Variants in ASNS observed in about 807,000 individuals in gnomAD.
The protein encoded by ASNS is asparagine synthetase (glutamine-hydrolyzing).
A neutral mutation model predicts 62.6 loss-of-function variants in ASNS; 37 were observed. The observed-to-expected ratio is 0.59, with a 90% CI of 0.45 to 0.78. The LOEUF is 0.78. ASNS is among the 30% of genes least tolerant of loss of function. The pLI is 0.00. For missense variants in ASNS, 520 were observed against 682.4 expected, an observed-to-expected ratio of 0.76 and a Z score of 2.65; for synonymous variants, 207 against 237.9, an observed-to-expected ratio of 0.87 and a Z score of 1.19.
chr7:97,912,917 G>A, the ASNS span: 3 of 151,818 alleles, frequency 2.0e-5, no homozygotes, highest in East Asian at 3.9e-4. Flanking sequence ...CAGCTTCGAG[G>A]TCCAGTATGA....
Position 97,855,348 on chromosome 7 carries a change from G to T in ASNS, c.1137+5C>A, listed in dbSNP as rs1190082216. On this transcript the variant is annotated splice_donor_5th_base_variant and intron_variant, in intron 9 of 12. Coordinates refer to ENST00000394308, the MANE Select transcript of ASNS (RefSeq NM_001673.5). Reference sequence around the variant, plus strand: ...ATGAATATCCCTCCACTTCAGAGTGGTTACCTTGTGAAAATATATGTAACC... The same window carrying T: ...ATGAATATCCCTCCACTTCAGAGTGTTTACCTTGTGAAAATATATGTAACC... 8 of 1,598,454 alleles carry T rather than the reference G, an allele frequency of 5.0e-6. No individual in the cohort carries two copies. The Admixed American group carries it at 1.2e-4, about 23-fold the overall frequency.
intron 4 of ASNS, among the ~76,000 whole-genome samples, chr7:97,860,352 A>G (rs1252580495): frequency 1.3e-5 from 2 of 152,222 alleles, no homozygotes; most frequent in African/African-American, 4.8e-5. Context: ...GGATATAGAA[A>G]AGAACAATTA....
chr7:97,861,081 G>A (rs984806560), intron 4 of ASNS, among the ~76,000 whole-genome samples: 2 of 134,868 alleles, frequency 1.5e-5, no homozygotes, highest in East Asian at 4.6e-4. Flanking sequence ...GAGTGCAGTT[G>A]CGCGATCTCG....
chr7:97,880,986 G>T, the ASNS span, among the ~76,000 whole-genome samples: 7 of 151,992 alleles, frequency 4.6e-5, no homozygotes, highest in Non-Finnish European at 8.8e-5. Flanking sequence ...TGTCACCCAG[G>T]CTGAAGTGCA....
rs201432154 is a variant in ASNS at position 97,852,352 on chromosome 7, G to T, written c.1593C>A (p.Asp531Glu). ...VFERHYPGRA[D>E]WLSHYWMPKW... ...TGGGCATCCAGTAATGGCTCAGCCA[G>T]TCAGCCCGGCCTGGGTAATGGCGTT... is the stretch of plus-strand genomic sequence containing the variant. The change falls in exon 13 of 13, where the codon GAC becomes GAA. Residue 531 changes from aspartate to glutamate, a missense_variant. Transcript: ENST00000394308. 2.0e-5 allele frequency: 32 copies of T among 1,614,184 alleles called. No individual in the cohort carries two copies. In the East Asian group the frequency reaches 5.6e-4, roughly 28 times the overall value.
the ASNS span, among the ~76,000 whole-genome samples, chr7:97,889,756 A>C: frequency 3.3e-5 from 5 of 151,880 alleles, no homozygotes; most frequent in African/African-American, 1.2e-4. Flanking sequence ...ACAGATAGTC[A>C]CATAAGGATG....
the ASNS span, among the ~76,000 whole-genome samples, chr7:97,920,584 G>A: frequency 6.6e-6 from 1 of 152,204 alleles, no homozygotes; most frequent in Non-Finnish European, 1.5e-5. Context: ...TTCCAGCTGG[G>A]GCCAAATAGA....
chr7:97,870,345 GT>G (rs926859538), intron 1 of ASNS: 22 of 376,540 alleles, frequency 5.8e-5, no homozygotes, highest in Middle Eastern at 6.7e-4. Flanking sequence ...CTATTTTGGT[GT>G]TTTTTTTAAA....
At chr7:97,900,794 A>G in the ASNS span, among the ~76,000 whole-genome samples, 1 of 152,180 alleles carries the variant, frequency 6.6e-6, no homozygotes, top group East Asian at 1.9e-4. Context: ...TGACTGCTAA[A>G]CTTTATGAAT....
At chr7:97,911,332 A>C in the ASNS span, among the ~76,000 whole-genome samples, 1 of 152,214 alleles carries the variant, frequency 6.6e-6, no homozygotes, top group Admixed American at 6.5e-5. Flanking sequence ...AAGTTTTCAT[A>C]ACAATAATAA....
At chr7:97,889,925 T>TAAAAAA in the ASNS span, among the ~76,000 whole-genome samples, 1 of 7,312 alleles carries the variant, frequency 1.4e-4, no homozygotes, top group African/African-American at 5.3e-4. Context: ...AGATAATGAA[T>TAAAAAA]ACAAAAAAAA....
At chr7:97,878,270 A>G in the ASNS span, among the ~76,000 whole-genome samples, 8 of 152,286 alleles carry the variant, frequency 5.3e-5, no homozygotes, top group African/African-American at 1.9e-4. Flanking sequence ...CGTCTCTAAC[A>G]ACCCAGCTCC....
At chr7:97,899,457 T>C in the ASNS span, among the ~76,000 whole-genome samples, 2 of 152,228 alleles carry the variant, frequency 1.3e-5, no homozygotes, top group South Asian at 4.1e-4. Flanking sequence ...AAGTGTTGAA[T>C]AAAATTGCAA....
chr7:97,869,506 A>T (rs184173881), intron 2 of ASNS, among the ~76,000 whole-genome samples: 7 of 152,262 alleles, frequency 4.6e-5, no homozygotes, highest in Non-Finnish European at 1.0e-4. Flanking sequence ...CTGCATTCTA[A>T]GTTTGCTTCC....
chr7:97,921,134 G>A, the ASNS span, among the ~76,000 whole-genome samples: 1 of 152,180 alleles, frequency 6.6e-6, no homozygotes, highest in African/African-American at 2.4e-5. Context: ...ATCCTGGGTT[G>A]TGCCCCTGAT....
At chr7:97,921,793 A>C in the ASNS span, among the ~76,000 whole-genome samples, 1 of 152,214 alleles carries the variant, frequency 6.6e-6, no homozygotes, top group Non-Finnish European at 1.5e-5. Context: ...TTGCAAGACC[A>C]GGAGCATCCT....
chr7:97,928,429 C>G, the ASNS span: 3 of 495,434 alleles, frequency 6.1e-6, no homozygotes, highest in Non-Finnish European at 7.1e-6. Flanking sequence ...GGGGCCGGCG[C>G]GGGCTCCTCT....
At chr7:97,893,301 G>C in the ASNS span, among the ~76,000 whole-genome samples, 5 of 152,280 alleles carry the variant, frequency 3.3e-5, no homozygotes, top group African/African-American at 1.2e-4. Context: ...TGAGATCTGA[G>C]TGGGGACACA....
At chr7:97,889,257 G>T in the ASNS span, among the ~76,000 whole-genome samples, 79 of 152,308 alleles carry the variant, frequency 5.2e-4, no homozygotes, top group African/African-American at 1.9e-3. Flanking sequence ...GGTGGCTCAC[G>T]CCTGTAATCC....
Sources: gnomAD v4.1 joint callset for allele counts (sites outside exome capture counted in the v4.1 genomes callset) on GRCh38, gnomAD v4.1.1 for gene constraint, MANE v1.5 for transcripts, NCBI Gene and HGNC (gene_info 2026-07-23, HGNC 2026-07-21) for gene names.